The following TBC1D32 variants were observed in gnomAD, a reference collection of about 807,000 sequenced individuals.
The protein encoded by TBC1D32 is protein broad-minded.
TBC1D32 carries 151 observed loss-of-function variants against 170.3 expected under a neutral mutation model. The ratio of observed to expected loss-of-function variants is 0.89; its 90% confidence interval spans 0.78 to 1.01. The LOEUF (loss-of-function observed/expected upper bound fraction) is 1.01. Ranked by LOEUF, TBC1D32 falls within the 50% of genes least tolerant of loss-of-function variation. TBC1D32 has a pLI of 0.00. For synonymous variants in TBC1D32, 498 were observed against 488.0 expected (o/e 1.02, Z -0.27); for missense variants, 1,464 against 1,457.1 (o/e 1.00, Z -0.08).
intron 24 of TBC1D32, among the ~76,000 whole-genome samples, 153 bp from the exon 25 acceptor site, chr6:121,131,905 C>CGTA (rs1191955692): frequency 1.3e-5 from 2 of 151,868 alleles, no homozygotes; most frequent in African/African-American, 4.8e-5. Context: ...CATCTTATAC[C>CGTA]ATCAATTGTT....
intron 12 of TBC1D32, among the ~76,000 whole-genome samples, chr6:121,285,309 C>A (rs1248061219): frequency 6.6e-6 from 1 of 152,136 alleles, no homozygotes; most frequent in Non-Finnish European, 1.5e-5. Flanking sequence ...AAGTCCAGAG[C>A]TAACCAGTAT....
At chr6:121,133,232 TAAAG>T (rs1781635304) in intron 24 of TBC1D32, among the ~76,000 whole-genome samples, 1 of 152,036 alleles carries the variant, frequency 6.6e-6, no homozygotes, top group African/African-American at 2.4e-5. Context: ...ACTTTTTTCT[TAAAG>T]AAAATTATAA....
chr6:121,298,610 G>T (rs562424700), intron 10 of TBC1D32, among the ~76,000 whole-genome samples: 1 of 152,094 alleles, frequency 6.6e-6, no homozygotes, highest in East Asian at 1.9e-4. Context: ...TAAAAATTTT[G>T]AAGTATATTT....
chr6:121,261,455 G>A (rs1370028019), intron 15 of TBC1D32, among the ~76,000 whole-genome samples: 2 of 152,160 alleles, frequency 1.3e-5, no homozygotes, highest in Non-Finnish European at 2.9e-5. Context: ...AGCCTCCTCA[G>A]GTGACATCTC....
chr6:121,230,725 A>G (rs1381475170), intron 20 of TBC1D32, among the ~76,000 whole-genome samples: 2 of 151,596 alleles, frequency 1.3e-5, no homozygotes, highest in African/African-American at 4.8e-5. Flanking sequence ...CAGTGTTTTT[A>G]GTTATTTAAT....
At chr6:121,205,646 G>T (rs1351252893) in intron 21 of TBC1D32, among the ~76,000 whole-genome samples, 1 of 152,166 alleles carries the variant, frequency 6.6e-6, no homozygotes. Context: ...TAAATCAGTG[G>T]TTTCCAACCC....
chr6:121,114,663 C>T (rs1779518045), intron 27 of TBC1D32, among the ~76,000 whole-genome samples: 2 of 152,038 alleles, frequency 1.3e-5, no homozygotes, highest in Non-Finnish European at 2.9e-5. Flanking sequence ...GTTAAAATCC[C>T]CATTTAATAA....
chr6:121,124,125 T>C (rs1780579026), intron 26 of TBC1D32, among the ~76,000 whole-genome samples: 1 of 152,082 alleles, frequency 6.6e-6, no homozygotes, highest in Non-Finnish European at 1.5e-5. Context: ...GTGGTTAACA[T>C]ACCATGACTA....
At chr6:121,210,553 T>G (rs549362286) in intron 21 of TBC1D32, among the ~76,000 whole-genome samples, 8 of 152,330 alleles carry the variant, frequency 5.3e-5, no homozygotes, top group African/African-American at 1.9e-4. Context: ...GATACTGTGG[T>G]AGGCAGAATT....
chr6:121,292,036 C>A lies in TBC1D32; in HGVS notation c.1372+17G>T. The A allele has an allele frequency of 6.4e-7, 1 of 1,551,912 alleles. No homozygotes were observed. The highest frequency in any genetic ancestry group is 8.7e-7 in the Non-Finnish European group (1 of 1,149,630). ...TTAGCATATCTTAACAAATTTATTT[C>A]TCCTAATTGTACTTACCTTTTTTAT... On this transcript the variant is annotated intron_variant, in intron 12 of 31. Coordinates refer to ENST00000398212, the MANE Select transcript of TBC1D32 (RefSeq NM_152730.6).
At chr6:121,208,822 C>T (rs1020279728) in intron 21 of TBC1D32, among the ~76,000 whole-genome samples, 1 of 148,302 alleles carries the variant, frequency 6.7e-6, no homozygotes, top group South Asian at 2.2e-4. Context: ...TGTTTTCAAA[C>T]TTCTGGCCTT....
intron 1 of TBC1D32, among the ~76,000 whole-genome samples, chr6:121,329,480 C>T (rs1226660843): frequency 2.6e-5 from 4 of 152,006 alleles, no homozygotes; most frequent in African/African-American, 9.7e-5. Flanking sequence ...GGTGAAACCT[C>T]GTCTCTACTA....
intron 1 of TBC1D32, among the ~76,000 whole-genome samples, chr6:121,326,413 T>G (rs1810466047): frequency 1.3e-5 from 2 of 152,164 alleles, no homozygotes; most frequent in Admixed American, 6.5e-5. Context: ...ACTAATTACC[T>G]TGATCTGACC....
rs996694102 is a variant in TBC1D32, at chr6:121,079,812, G to C, written c.*959C>G. ...CAGTACAAGTAAAATATATCACTAAGGAAAATGCATAACAAATAAGAGTAG... is the reference window on the plus strand; with the variant it reads ...CAGTACAAGTAAAATATATCACTAACGAAAATGCATAACAAATAAGAGTAG... On this transcript the variant is annotated 3_prime_UTR_variant, in exon 32 of 32. Coordinates refer to ENST00000398212, the MANE Select transcript of TBC1D32 (RefSeq NM_152730.6). 3 of 151,896 alleles carry C rather than the reference G, an allele frequency of 2.0e-5. No individual in the cohort carries two copies. The highest frequency in any genetic ancestry group is 4.4e-5 in the Non-Finnish European group (3 of 67,954). 9.4% of individuals were successfully genotyped at this position (151,896 alleles called of 1,614,324 possible).
chr6:121,092,992 T>C lies in TBC1D32; in HGVS notation c.3466-1951A>G, dbSNP rs563160239. Among the ~76,000 whole-genome samples, 7 of 152,294 alleles carry C rather than the reference T, an allele frequency of 4.6e-5. No homozygotes were observed. In the South Asian group the frequency reaches 1.2e-3, roughly 27 times the overall value. Reference sequence around the variant, plus strand: ...AGGCTATTAATTCTGTTCTCAGGTGTTAAGAGTTTCCTTTACAACTATAAT... The same window carrying C: ...AGGCTATTAATTCTGTTCTCAGGTGCTAAGAGTTTCCTTTACAACTATAAT... On this transcript the variant is annotated intron_variant, in intron 30 of 31. Coordinates refer to ENST00000398212, the MANE Select transcript of TBC1D32 (RefSeq NM_152730.6).
At position 121,090,835 on chromosome 6, in the gene TBC1D32, C is replaced by A; in HGVS notation, c.3654+18G>T. On this transcript the variant is annotated intron_variant, in intron 31 of 31. Coordinates refer to ENST00000398212, the MANE Select transcript of TBC1D32 (RefSeq NM_152730.6). ...AGCTATTAACTCAACATTTTCCTCT[C>A]CATATAAACATACTTACTTTTAGGA... is the stretch of plus-strand genomic sequence containing the variant. 6.2e-7 allele frequency: 1 copy of A among 1,600,890 alleles called. No individual in the cohort carries two copies.
At chr6:121,251,417 G>A (rs1317896607) in intron 17 of TBC1D32, among the ~76,000 whole-genome samples, 1 of 151,918 alleles carries the variant, frequency 6.6e-6, no homozygotes, top group Non-Finnish European at 1.5e-5. Context: ...CCATAACCAT[G>A]TGATCTTCAA....
At chr6:121,319,335 T>C (rs1036654061) in intron 2 of TBC1D32, among the ~76,000 whole-genome samples, 4 of 152,082 alleles carry the variant, frequency 2.6e-5, no homozygotes, top group African/African-American at 9.7e-5. Context: ...GCAAAGTATA[T>C]ATAAGGATAA....
At chr6:121,134,352 TTC>T (rs59198810) in intron 24 of TBC1D32, among the ~76,000 whole-genome samples, 1,890 of 152,222 alleles carry the variant, frequency 0.012, 38 homozygotes, top group African/African-American at 0.043. Flanking sequence ...TTGCTCTCCA[TTC>T]TCTCTCCTTT....
Sources: allele counts gnomAD v4.1 joint callset (sites outside exome capture counted in the v4.1 genomes callset), GRCh38; gene constraint gnomAD v4.1.1; transcripts MANE v1.5; gene names NCBI Gene and HGNC (gene_info 2026-07-23, HGNC 2026-07-21).